ESRRG: variants seen among roughly 807,000 people sequenced by gnomAD.
ESRRG encodes estrogen related receptor gamma, also known as estrogen-related receptor gamma.
ESRRG carries 13 observed loss-of-function variants against 44.0 expected under a neutral mutation model. The observed-to-expected ratio is 0.30, with a 90% CI of 0.19 to 0.47. The LOEUF is 0.47. ESRRG is among the 20% of genes least tolerant of loss of function. The probability of loss-of-function intolerance (pLI) is 1.00; values close to 1 mark genes in which losing one functional copy is unlikely to be tolerated. For missense variants in ESRRG, 395 were observed against 580.6 expected, an observed-to-expected ratio of 0.68 and a Z score of 3.29; for synonymous variants, 215 against 214.6, an observed-to-expected ratio of 1.00 and a Z score of -0.02.
intron 2 of ESRRG, among the ~76,000 whole-genome samples, chr1:216,758,154 C>T (rs2092567699): frequency 6.6e-6 from 1 of 151,960 alleles, no homozygotes; most frequent in Non-Finnish European, 1.5e-5. Flanking sequence ...AATTAGATTC[C>T]CATTCACTTC....
chr1:216,635,225 G>C (rs2065057013), intron 3 of ESRRG, among the ~76,000 whole-genome samples: 1 of 152,208 alleles, frequency 6.6e-6, no homozygotes, highest in African/African-American at 2.4e-5. Flanking sequence ...GCAGAGAAGA[G>C]AGGGAAACAA....
intron 5 of ESRRG, among the ~76,000 whole-genome samples, chr1:216,547,500 C>T (rs2054905503): frequency 6.6e-6 from 1 of 151,774 alleles, no homozygotes; most frequent in Non-Finnish European, 1.5e-5. Context: ...CTCCCAGGTA[C>T]AATTAATTGT....
intron 2 of ESRRG, among the ~76,000 whole-genome samples, chr1:216,659,760 G>A (rs759451177): frequency 1.2e-4 from 19 of 152,196 alleles, no homozygotes; most frequent in Admixed American, 1.3e-4. Context: ...AGTTCATCCC[G>A]TACTTACCTT....
chr1:216,623,820 T>C (rs2062710400), intron 3 of ESRRG, among the ~76,000 whole-genome samples: 1 of 152,150 alleles, frequency 6.6e-6, no homozygotes. Context: ...AAAATGCCCA[T>C]GTGTGTGCAT....
At chr1:216,839,740 A>C (rs2095621922) in intron 2 of ESRRG, among the ~76,000 whole-genome samples, 2 of 68,396 alleles carry the variant, frequency 2.9e-5, no homozygotes, top group South Asian at 7.7e-4. Context: ...GATGAATGAA[A>C]CCTTCATCTC....
At chr1:216,577,780 A>T (rs143466086) in intron 3 of ESRRG, among the ~76,000 whole-genome samples, 9,115 of 150,470 alleles carry the variant, frequency 0.061, 534 homozygotes, top group African/African-American at 0.15. Flanking sequence ...ATTTTTTTAA[A>T]AAAAAAGGAA....
intron 2 of ESRRG, among the ~76,000 whole-genome samples, chr1:216,658,752 G>A (rs1476951964): frequency 6.6e-6 from 1 of 151,816 alleles, no homozygotes; most frequent in Non-Finnish European, 1.5e-5. Flanking sequence ...AGAATCACTT[G>A]AACCCAGAAG....
intron 3 of ESRRG, among the ~76,000 whole-genome samples, chr1:216,649,799 A>G (rs1032827784): frequency 3.9e-5 from 6 of 152,154 alleles, no homozygotes; most frequent in African/African-American, 7.2e-5. Context: ...TGATCCACTC[A>G]TCTTCCTATA....
intron 1 of ESRRG, chr1:216,707,373 A>T: frequency 1.0e-5 from 16 of 1,535,912 alleles, no homozygotes; most frequent in Non-Finnish European, 1.4e-5. Context: ...TAGCTGAAGG[A>T]ACACAGGCCA....
chr1:216,945,117 C>G (rs145870646), intron 1 of ESRRG, among the ~76,000 whole-genome samples: 3 of 152,016 alleles, frequency 2.0e-5, no homozygotes, highest in Non-Finnish European at 4.4e-5. Flanking sequence ...TAAATGAGAG[C>G]GATACCAAGG....
At chr1:216,972,932 T>C (rs752417527) in intron 1 of ESRRG, among the ~76,000 whole-genome samples, 3 of 152,200 alleles carry the variant, frequency 2.0e-5, no homozygotes, top group Non-Finnish European at 2.9e-5. Context: ...TTGAAGATTT[T>C]CATTCTCTTT....
chr1:216,712,971 G>T (rs960641670), intron 1 of ESRRG, among the ~76,000 whole-genome samples: 2 of 152,148 alleles, frequency 1.3e-5, no homozygotes, highest in Admixed American at 6.5e-5. Flanking sequence ...AAAGCTGAAC[G>T]CTTTGTCAAT....
intron 2 of ESRRG, among the ~76,000 whole-genome samples, chr1:216,773,457 G>A (rs978313875): frequency 2.0e-5 from 3 of 152,018 alleles, no homozygotes; most frequent in South Asian, 2.1e-4. Context: ...GAAGATTACC[G>A]AACACCTTTG....
At chr1:216,726,797 C>A (rs1415639715), upstream of ESRRG, among the ~76,000 whole-genome samples, 1 of 152,142 alleles carries the variant, frequency 6.6e-6, no homozygotes, top group East Asian at 1.9e-4. Context: ...CAAATTCATT[C>A]TCAGTCCCCA....
At chr1:216,728,416 C>T (rs2087998541), upstream of ESRRG, among the ~76,000 whole-genome samples, 1 of 151,306 alleles carries the variant, frequency 6.6e-6, no homozygotes, top group Non-Finnish European at 1.5e-5. Flanking sequence ...GACAAAATCC[C>T]TGTTTTTAAA....
Position 216,561,160 on chromosome 1 carries a change from A to G in ESRRG, c.862+3059T>C, listed in dbSNP as rs188935170. Among the ~76,000 whole-genome samples the G allele has an allele frequency of 2.0e-5, 3 of 152,242 alleles. No homozygotes were observed. In the East Asian group the frequency reaches 5.8e-4, roughly 29 times the overall value. Reference sequence around the variant, plus strand: ...GATAAAAAAAACCTATTCCATATGTATTTTCTTCAATAGCTTCTTTTGTTG... The same window carrying G: ...GATAAAAAAAACCTATTCCATATGTGTTTTCTTCAATAGCTTCTTTTGTTG... On this transcript the variant is annotated intron_variant, in intron 5 of 6. Coordinates refer to ENST00000408911, the MANE Select transcript of ESRRG (RefSeq NM_001438.4).
chr1:216,933,531 G>A lies in ESRRG; in HGVS notation c.-14+6051C>T, dbSNP rs370973945. Among the ~76,000 whole-genome samples the A allele has an allele frequency of 9.9e-5, 15 of 152,226 alleles. No individual in the cohort carries two copies. In the East Asian group the frequency reaches 2.7e-3, roughly 27 times the overall value. Reference sequence around the variant, plus strand: ...CTGATTTGAGCTACCAACATGACATGGTGAACATGGAGCTGATGAGGAGAT... The same window carrying A: ...CTGATTTGAGCTACCAACATGACATAGTGAACATGGAGCTGATGAGGAGAT... On this transcript the variant is annotated intron_variant, in intron 2 of 7. Coordinates refer to the ESRRG transcript ENST00000359162.
At chr1:217,103,001 TG>T (rs1308252713) in intron 1 of ESRRG, among the ~76,000 whole-genome samples, 1 of 152,104 alleles carries the variant, frequency 6.6e-6, no homozygotes, top group Non-Finnish European at 1.5e-5. Context: ...TATGAACAAA[TG>T]CAGAGAGACT....
chr1:217,025,277 T>C (rs576447849), intron 1 of ESRRG, among the ~76,000 whole-genome samples: 19 of 152,286 alleles, frequency 1.2e-4, no homozygotes, highest in African/African-American at 4.1e-4. Context: ...TTTGCCAGTG[T>C]CAGTCATTAA....
Sources: allele counts gnomAD v4.1 joint callset (sites outside exome capture counted in the v4.1 genomes callset), GRCh38; gene constraint gnomAD v4.1.1; transcripts MANE v1.5; gene names NCBI Gene and HGNC (gene_info 2026-07-23, HGNC 2026-07-21).